LRRC37A2: variants seen among roughly 807,000 people sequenced by gnomAD.
The protein encoded by LRRC37A2 is leucine rich repeat containing 37 member A2.
A neutral mutation model predicts 68.8 loss-of-function variants in LRRC37A2; 9 were observed. The observed-to-expected ratio is 0.13, with a 90% CI of 0.08 to 0.23. The LOEUF (loss-of-function observed/expected upper bound fraction) is 0.23, where lower values mean the gene tolerates loss of function less well. Among genes scored for constraint, LRRC37A2 ranks in the 10% least tolerant of loss-of-function variants. LRRC37A2 has a pLI of 1.00. For missense variants in LRRC37A2, 168 were observed against 950.4 expected (o/e 0.18, Z 10.82); for synonymous variants, 63 against 367.6 (o/e 0.17, Z 9.48).
At chr17:47,000,437 G>C in the LRRC37A2 span, among the ~76,000 whole-genome samples, 2 of 151,902 alleles carry the variant, frequency 1.3e-5, no homozygotes. Context: ...GTTCTGCCAT[G>C]TTGGTCAGGC....
the LRRC37A2 span, among the ~76,000 whole-genome samples, chr17:46,780,457 A>G: frequency 2.0e-5 from 3 of 152,240 alleles, no homozygotes; most frequent in Non-Finnish European, 4.4e-5. Flanking sequence ...CCTATAATCC[A>G]GCAATGCCAC....
the LRRC37A2 span, among the ~76,000 whole-genome samples, chr17:46,731,630 C>T: frequency 5.9e-5 from 9 of 152,070 alleles, no homozygotes; most frequent in Middle Eastern, 3.4e-3. Flanking sequence ...GGAATTGGAT[C>T]ATTTAAAAAG....
the LRRC37A2 span, among the ~76,000 whole-genome samples, chr17:46,780,271 G>T: frequency 6.6e-6 from 1 of 152,106 alleles, no homozygotes; most frequent in Non-Finnish European, 1.5e-5. Flanking sequence ...GTGCTGCCAG[G>T]GACACCCACT....
the LRRC37A2 span, among the ~76,000 whole-genome samples, chr17:46,666,817 T>TATA: frequency 1.3e-5 from 1 of 77,620 alleles, no homozygotes; most frequent in East Asian, 3.4e-4. Flanking sequence ...GAAGAGAGGC[T>TATA]ATAGCTACAA....
chr17:46,798,053 C>T, the LRRC37A2 span, among the ~76,000 whole-genome samples: 9 of 152,102 alleles, frequency 5.9e-5, no homozygotes, highest in South Asian at 2.1e-4. Flanking sequence ...CTCAGCCTCC[C>T]GAGTAGCTAG....
the LRRC37A2 span, among the ~76,000 whole-genome samples, chr17:46,803,277 T>A: frequency 1.3e-5 from 2 of 152,352 alleles, no homozygotes; most frequent in African/African-American, 4.8e-5. Context: ...CTCACACCTG[T>A]AATCCCAGCA....
chr17:47,004,240 A>G, the LRRC37A2 span, among the ~76,000 whole-genome samples: 103 of 152,340 alleles, frequency 6.8e-4, no homozygotes, highest in African/African-American at 2.4e-3. Flanking sequence ...ATACCCAGTA[A>G]TGGGATGGCT....
the LRRC37A2 span, among the ~76,000 whole-genome samples, chr17:47,026,293 TACAAG>T: frequency 6.6e-6 from 1 of 151,786 alleles, no homozygotes; most frequent in Non-Finnish European, 1.5e-5. Context: ...ACCCGTAGAG[TACAAG>T]AAGGGAGAGT....
chr17:47,000,640 A>G, the LRRC37A2 span, among the ~76,000 whole-genome samples: 4 of 152,008 alleles, frequency 2.6e-5, no homozygotes, highest in African/African-American at 9.7e-5. Flanking sequence ...CCTCTCTCCT[A>G]TAAAAATGAC....
At chr17:46,495,701 A>C in the LRRC37A2 span, among the ~76,000 whole-genome samples, 1 of 149,418 alleles carries the variant, frequency 6.7e-6, no homozygotes, top group African/African-American at 2.6e-5. Flanking sequence ...TGCACTTTTA[A>C]AAACATATCT....
At chr17:46,769,238 C>G in the LRRC37A2 span, among the ~76,000 whole-genome samples, 1 of 150,614 alleles carries the variant, frequency 6.6e-6, no homozygotes, top group African/African-American at 2.5e-5. Flanking sequence ...ATTGCTTGAA[C>G]TCGGGAGGCG....
chr17:46,382,048 G>A, the LRRC37A2 span, among the ~76,000 whole-genome samples: 4 of 136,604 alleles, frequency 2.9e-5, no homozygotes, highest in African/African-American at 1.1e-4. Flanking sequence ...GGAGGCTGAG[G>A]CTGGTGGATC....
At chr17:46,904,300 G>A in the LRRC37A2 span, among the ~76,000 whole-genome samples, 13 of 151,138 alleles carry the variant, frequency 8.6e-5, no homozygotes, top group African/African-American at 2.7e-4. Context: ...GGGTAAATGA[G>A]TGAGTGGATG....
chr17:46,728,867 T>C, the LRRC37A2 span: 1 of 1,608,344 alleles, frequency 6.2e-7, no homozygotes, highest in Non-Finnish European at 8.5e-7. Context: ...TACGTCCCTA[T>C]TGGCCCTCGA....
chr17:46,726,544 T>G, the LRRC37A2 span: 1 of 1,613,844 alleles, frequency 6.2e-7, no homozygotes, highest in Admixed American at 1.7e-5. Flanking sequence ...TTTGTTTTCT[T>G]TCAGATCTTT....
At chr17:46,711,490 G>A in the LRRC37A2 span, among the ~76,000 whole-genome samples, 1 of 152,076 alleles carries the variant, frequency 6.6e-6, no homozygotes, top group South Asian at 2.1e-4. Context: ...ATTCAGTCTG[G>A]TCATGAACAA....
chr17:46,720,626 G>C, the LRRC37A2 span, among the ~76,000 whole-genome samples: 9 of 152,110 alleles, frequency 5.9e-5, no homozygotes, highest in Non-Finnish European at 1.0e-4. Context: ...GCTCATTTAC[G>C]TTTTTATATG....
At chr17:46,899,753 A>C in the LRRC37A2 span, among the ~76,000 whole-genome samples, 11,340 of 152,096 alleles carry the variant, frequency 0.075, 1,092 homozygotes, top group African/African-American at 0.23. Flanking sequence ...TGTATATTTT[A>C]ATAGGGTGAA....
the LRRC37A2 span, among the ~76,000 whole-genome samples, chr17:46,812,583 A>G: frequency 6.6e-6 from 1 of 152,090 alleles, no homozygotes; most frequent in African/African-American, 2.4e-5. Context: ...GGGAATGATT[A>G]GGGGACACTC....
Sources: gnomAD v4.1 joint callset for allele counts (sites outside exome capture counted in the v4.1 genomes callset) on GRCh38, gnomAD v4.1.1 for gene constraint, MANE v1.5 for transcripts, NCBI Gene and HGNC (gene_info 2026-07-23, HGNC 2026-07-21) for gene names.